Variants in CD163L1 observed in about 807,000 individuals in gnomAD.
The protein encoded by CD163L1 is scavenger receptor cysteine-rich type 1 protein M160.
In CD163L1, 124 loss-of-function variants were observed where a neutral mutation model predicts 165.4. That is an observed-to-expected ratio of 0.75 (90% CI 0.65 to 0.87). CD163L1 has a LOEUF of 0.87. CD163L1 is among the 40% of genes least tolerant of loss of function. The probability of loss-of-function intolerance (pLI) is 0.00; values close to 1 mark genes in which losing one functional copy is unlikely to be tolerated. For missense variants in CD163L1, 1,525 were observed against 1,799.9 expected, an observed-to-expected ratio of 0.85 and a Z score of 2.76; for synonymous variants, 585 against 662.2, an observed-to-expected ratio of 0.88 and a Z score of 1.79.
chr12:7,342,584 G>A (rs182299461), downstream of CD163L1, among the ~76,000 whole-genome samples: 34 of 152,268 alleles, frequency 2.2e-4, no homozygotes. Flanking sequence ...CACTGGGTTA[G>A]GGTCTCCCCA....
At chr12:7,421,041 A>ATATATACATATATATATATACGTG (rs1948347966) in intron 4 of CD163L1, among the ~76,000 whole-genome samples, 2 of 108,620 alleles carry the variant, frequency 1.8e-5, no homozygotes, top group Admixed American at 1.0e-4. Context: ...ATATACGTGT[A>ATATATACATATATATATATACGTG]TATATATGTA....
chr12:7,419,057 A>G (rs1298620716), intron 4 of CD163L1, among the ~76,000 whole-genome samples: 1 of 152,018 alleles, frequency 6.6e-6, no homozygotes. Context: ...CAAAACCAGG[A>G]AAGGACATAA....
rs1204628370 is a variant in CD163L1 at position 7,419,232 on chromosome 12, C to T, written c.767-12380G>A. ...CAAACACAAGTCAATAAATGTGGTACACCACATAAACAGAATTAAAAGCGA... is the reference window on the plus strand; with the variant it reads ...CAAACACAAGTCAATAAATGTGGTATACCACATAAACAGAATTAAAAGCGA... On this transcript the variant is annotated intron_variant, in intron 4 of 19. Coordinates refer to ENST00000313599, the MANE Select transcript of CD163L1 (RefSeq NM_174941.6). 3.9e-5 allele frequency among the ~76,000 whole-genome samples: 6 copies of T among 152,114 alleles called. No homozygotes were observed. In the East Asian group the frequency reaches 1.2e-3, roughly 29 times the overall value.
chr12:7,427,649 C>T (rs753295190), intron 4 of CD163L1, among the ~76,000 whole-genome samples: 2 of 152,036 alleles, frequency 1.3e-5, no homozygotes, highest in South Asian at 2.1e-4. Context: ...TTTTACATGT[C>T]CAACAAACTC....
intron 6 of CD163L1, among the ~76,000 whole-genome samples, chr12:7,399,460 T>A: frequency 6.6e-6 from 1 of 151,282 alleles, no homozygotes; most frequent in Non-Finnish European, 1.5e-5. Flanking sequence ...TTCCTCCCTT[T>A]CCCTTCTTTC....
At position 7,432,079 on chromosome 12, in the gene CD163L1, C is replaced by T. The variant is rs1948638545; in HGVS notation, c.766+337G>A. On this transcript the variant is annotated intron_variant, in intron 4 of 19. Coordinates refer to ENST00000313599, the MANE Select transcript of CD163L1 (RefSeq NM_174941.6). The surrounding 1 kb of genome is among the most constrained non-coding windows in gnomAD (Gnocchi z 4.2). Reference sequence around the variant, plus strand: ...GAATTAGTAAAGTGGGGAAACTAGACTAAGAATGAGTGACCTCAGAGAAAG... The same window carrying T: ...GAATTAGTAAAGTGGGGAAACTAGATTAAGAATGAGTGACCTCAGAGAAAG... Among the ~76,000 whole-genome samples the T allele has an allele frequency of 6.6e-6, 1 of 151,832 alleles. No homozygotes were observed. Among genetic ancestry groups the T allele is most frequent in the Non-Finnish European group, 1.5e-5 (1 of 67,964 alleles).
intron 7 of CD163L1, 93 bp from the exon 8 acceptor site, chr12:7,396,508 C>CA: frequency 8.3e-7 from 1 of 1,198,548 alleles, no homozygotes. Context: ...GTTATTTGGT[C>CA]AAACACCAGT....
chr12:7,409,455 G>C (rs976012612), intron 4 of CD163L1, among the ~76,000 whole-genome samples: 5 of 152,164 alleles, frequency 3.3e-5, no homozygotes, highest in Non-Finnish European at 1.5e-5. Flanking sequence ...TTCTGCCTCA[G>C]ATAATCAGGC....
chr12:7,326,592 T>C, the CD163L1 span, among the ~76,000 whole-genome samples: 7 of 152,320 alleles, frequency 4.6e-5, no homozygotes, highest in East Asian at 1.3e-3. Flanking sequence ...ACATATTCTC[T>C]AGGAACTCCA....
At chr12:7,421,602 TAC>T (rs1187234895) in intron 4 of CD163L1, among the ~76,000 whole-genome samples, 3 of 10,138 alleles carry the variant, frequency 3.0e-4, no homozygotes, top group Non-Finnish European at 5.9e-4. Context: ...TACATATATG[TAC>T]ACATATACAT....
At chr12:7,379,406 A>ATTGT in intron 8 of CD163L1, 108 bp from the exon 9 acceptor site, 1 of 1,082,800 alleles carries the variant, frequency 9.2e-7, no homozygotes, top group Non-Finnish European at 1.3e-6. Context: ...AAGTTGAGAG[A>ATTGT]TTGTTTAGGT....
intron 8 of CD163L1, among the ~76,000 whole-genome samples, chr12:7,391,282 G>C (rs976503127): frequency 6.6e-6 from 1 of 152,160 alleles, no homozygotes; most frequent in Non-Finnish European, 1.5e-5. Flanking sequence ...CAGCAAAGTA[G>C]AAAACTCTAA....
At chr12:7,440,189 C>G (rs992044728) in intron 2 of CD163L1, among the ~76,000 whole-genome samples, 3 of 152,222 alleles carry the variant, frequency 2.0e-5, no homozygotes, top group African/African-American at 7.2e-5. Flanking sequence ...CCGGCCAGGG[C>G]GGACACTTAA....
chr12:7,368,976 G>A lies in CD163L1; in HGVS notation c.4040-11C>T. 3 of 1,612,212 alleles carry A rather than the reference G, an allele frequency of 1.9e-6. No individual in the cohort carries two copies. Among genetic ancestry groups the A allele is most frequent in the Non-Finnish European group, 2.5e-6 (3 of 1,178,986 alleles). On this transcript the variant is annotated splice_polypyrimidine_tract_variant and intron_variant, in intron 15 of 19. Transcript: ENST00000313599. The surrounding 1 kb of genome is among the most constrained non-coding windows in gnomAD (Gnocchi z 4.3). ...ATTTCAGCGACTGTCCTGAGAGAGA[G>A]AGAGAGAGAGAGAGACGTAAATGAA...
the CD163L1 span, among the ~76,000 whole-genome samples, chr12:7,321,685 G>A: frequency 1.6e-3 from 250 of 152,356 alleles, no homozygotes; most frequent in Non-Finnish European, 3.1e-3. Context: ...ATGAGAAGCA[G>A]GCTGTTCCAG....
At chr12:7,362,538 TATATA>T (rs1319159851) in intron 18 of CD163L1, among the ~76,000 whole-genome samples, 3 of 143,088 alleles carry the variant, frequency 2.1e-5, no homozygotes, top group South Asian at 2.1e-4. Flanking sequence ...TATGTATAAA[TATATA>T]ATATATTATA....
the CD163L1 span, chr12:7,324,265 G>A: frequency 8.7e-6 from 14 of 1,611,094 alleles, no homozygotes; most frequent in Non-Finnish European, 6.8e-6. Flanking sequence ...GTCATCCTTG[G>A]TTCCCAGGAC....
At chr12:7,329,251 G>T in the CD163L1 span, among the ~76,000 whole-genome samples, 1 of 147,702 alleles carries the variant, frequency 6.8e-6, no homozygotes, top group Non-Finnish European at 1.5e-5. Flanking sequence ...AATCTTTAGG[G>T]AACAAATTTA....
chr12:7,410,981 G>C (rs1168216718), intron 4 of CD163L1, among the ~76,000 whole-genome samples: 1 of 151,056 alleles, frequency 6.6e-6, no homozygotes, highest in Non-Finnish European at 1.5e-5. Context: ...TGACATCTAA[G>C]CACATAATGG....
Sources: gnomAD v4.1 joint callset for allele counts (sites outside exome capture counted in the v4.1 genomes callset) on GRCh38, gnomAD v4.1.1 for gene constraint, Gnocchi (gnomAD v3.1) non-coding constraint, MANE v1.5 for transcripts, NCBI Gene and HGNC (gene_info 2026-07-23, HGNC 2026-07-21) for gene names.